CR1: variants seen among roughly 807,000 people sequenced by gnomAD.
The protein encoded by CR1 is complement receptor type 1.
A neutral mutation model predicts 187.3 loss-of-function variants in CR1; 116 were observed. That is an observed-to-expected ratio of 0.62 (90% CI 0.53 to 0.72). The LOEUF (loss-of-function observed/expected upper bound fraction) is 0.72. Among genes scored for constraint, CR1 ranks in the 30% least tolerant of loss-of-function variants. CR1 has a pLI of 0.00. For synonymous variants in CR1, 576 were observed against 747.1 expected, an observed-to-expected ratio of 0.77 and a Z score of 3.73; for missense variants, 1,731 against 2,110.7, an observed-to-expected ratio of 0.82 and a Z score of 3.52.
intron 35 of CR1, among the ~76,000 whole-genome samples, chr1:207,596,363 C>G (rs535598659): frequency 6.6e-6 from 1 of 152,078 alleles, no homozygotes; most frequent in South Asian, 2.1e-4. Context: ...CCTGTAATCC[C>G]AGCACTTTGG....
chr1:207,504,732 C>G (rs1659376404), intron 1 of CR1, among the ~76,000 whole-genome samples: 3 of 152,148 alleles, frequency 2.0e-5, no homozygotes. Flanking sequence ...TGCCTTCAAA[C>G]TGGCAGAGAC....
chr1:207,581,347 C>T (rs577238179), intron 31 of CR1, among the ~76,000 whole-genome samples: 38 of 134,090 alleles, frequency 2.8e-4, no homozygotes, highest in Admixed American at 1.2e-3. Flanking sequence ...TATATGTATA[C>T]GTATACATGT....
intron 4 of CR1, among the ~76,000 whole-genome samples, chr1:207,519,533 CT>C (rs1659909206): frequency 6.6e-6 from 1 of 152,108 alleles, no homozygotes; most frequent in Admixed American, 6.6e-5. Context: ...TAAAATTGTA[CT>C]TTTACCACTC....
chr1:207,591,251 C>G (rs1317555741), intron 35 of CR1, among the ~76,000 whole-genome samples: 2 of 152,182 alleles, frequency 1.3e-5, no homozygotes, highest in Non-Finnish European at 2.9e-5. Context: ...AACAAACAGT[C>G]TCTCAGACCA....
Position 207,596,384 on chromosome 1 carries a change from C to T in CR1, c.5810+7610C>T, listed in dbSNP as rs894454400. The stretch of plus-strand genomic sequence containing the variant: ...ATCCCAGCACTTTGGGAGGCTGAGG[C>T]GGGCAGAACACCTGAGGTCGGGAGT... On this transcript the variant is annotated intron_variant, in intron 35 of 46. Coordinates refer to ENST00000367049, the MANE Select transcript of CR1 (RefSeq NM_000651.6). 4.6e-5 allele frequency among the ~76,000 whole-genome samples: 7 copies of T among 151,990 alleles called. No individual in the cohort carries two copies. In the East Asian group the frequency reaches 5.8e-4, roughly 13 times the overall value.
At chr1:207,515,067 G>A (rs115854345) in intron 4 of CR1, among the ~76,000 whole-genome samples, 2,401 of 134,576 alleles carry the variant, frequency 0.018, 26 homozygotes, top group Middle Eastern at 0.031. Flanking sequence ...GTATATATAC[G>A]TATATACGTA....
intron 23 of CR1, among the ~76,000 whole-genome samples, chr1:207,565,094 G>A (rs1660452367): frequency 6.7e-6 from 1 of 149,810 alleles, no homozygotes; most frequent in Admixed American, 6.6e-5. Context: ...CCTTGTTTAT[G>A]TCCATCTAGT....
At chr1:207,566,695 C>G (rs1304688886) in intron 24 of CR1, among the ~76,000 whole-genome samples, 1 of 149,946 alleles carries the variant, frequency 6.7e-6, no homozygotes, top group Non-Finnish European at 1.5e-5. Context: ...AATAATAAGT[C>G]ATTTTTTTAA....
At chr1:207,544,652 T>C (rs1250653101) in intron 13 of CR1, among the ~76,000 whole-genome samples, 4 of 138,658 alleles carry the variant, frequency 2.9e-5, no homozygotes, top group African/African-American at 5.9e-5. Flanking sequence ...ACACTCTCAT[T>C]ATGGTGACAG....
chr1:207,612,238 A>G (rs1458244434), intron 39 of CR1, among the ~76,000 whole-genome samples, 197 bp downstream of exon 39: 1 of 152,248 alleles, frequency 6.6e-6, no homozygotes, highest in Non-Finnish European at 1.5e-5. Context: ...AATGGCACAT[A>G]CAGCTCAATG....
chr1:207,617,507 ATGTGTGTG>A (rs1167357538), intron 41 of CR1, among the ~76,000 whole-genome samples: 1,636 of 47,034 alleles, frequency 0.035, 146 homozygotes, highest in African/African-American at 0.099. Flanking sequence ...ATATATATAT[ATGTGTGTG>A]TGTGTGTGTG....
chr1:207,639,645 A>T lies in CR1; in HGVS notation c.*236A>T. 2.1e-6 allele frequency: 1 copy of T among 470,160 alleles called. No individual in the cohort carries two copies. 29.1% of individuals were successfully genotyped at this position (470,160 alleles called of 1,614,324 possible). A position where few individuals can be genotyped will look rare whatever the true frequency, so the allele number is the denominator to read the frequency against. On this transcript the variant is annotated 3_prime_UTR_variant, in exon 47 of 47. Coordinates refer to ENST00000367049, the MANE Select transcript of CR1 (RefSeq NM_000651.6). Reference sequence around the variant, plus strand: ...CTGCCTCGTGCTAAACGCACACAGTATCTAGTCAGGGGAAAAGACTGCATT... The same window carrying T: ...CTGCCTCGTGCTAAACGCACACAGTTTCTAGTCAGGGGAAAAGACTGCATT...
intron 42 of CR1, among the ~76,000 whole-genome samples, chr1:207,618,463 A>T (rs1662213821): frequency 6.6e-6 from 1 of 152,182 alleles, no homozygotes; most frequent in Non-Finnish European, 1.5e-5. Flanking sequence ...AGCATTAACA[A>T]AATCACCTTG....
chr1:207,607,125 C>T (rs1661774939), intron 35 of CR1, 126 bp from the exon 36 acceptor site: 1 of 648,148 alleles, frequency 1.5e-6, no homozygotes, highest in Admixed American at 2.6e-5. Context: ...GGGTTTCTTC[C>T]TTCCGAGGTC....
intron 40 of CR1, 132 bp from the exon 41 acceptor site, chr1:207,616,443 A>T: frequency 1.7e-6 from 2 of 1,146,748 alleles, no homozygotes; most frequent in Non-Finnish European, 1.2e-6. Context: ...TTACAGATTT[A>T]AATTCCGTCT....
At chr1:207,566,540 A>C (rs1210006517) in intron 24 of CR1, among the ~76,000 whole-genome samples, 1 of 150,182 alleles carries the variant, frequency 6.7e-6, no homozygotes, top group Non-Finnish European at 1.5e-5. Flanking sequence ...ACAAGAAAAA[A>C]AATAAATTCA....
intron 2 of CR1, among the ~76,000 whole-genome samples, chr1:207,506,331 G>T (rs1329742724): frequency 6.6e-6 from 1 of 152,244 alleles, no homozygotes. Context: ...TTCACTGGGG[G>T]TCTCCCATTT....
chr1:207,623,883 T>C (rs972810644), intron 45 of CR1, among the ~76,000 whole-genome samples: 1 of 147,466 alleles, frequency 6.8e-6, no homozygotes, highest in Non-Finnish European at 1.5e-5. Flanking sequence ...TTTTAATATA[T>C]AAACAAATAT....
chr1:207,574,712 G>A (rs1001369570), intron 27 of CR1, among the ~76,000 whole-genome samples: 2 of 152,140 alleles, frequency 1.3e-5, no homozygotes, highest in Non-Finnish European at 2.9e-5. Context: ...AAGATGAGTA[G>A]ACTGACTATA....
Sources: allele counts gnomAD v4.1 joint callset (sites outside exome capture counted in the v4.1 genomes callset), GRCh38; gene constraint gnomAD v4.1.1; transcripts MANE v1.5; gene names NCBI Gene and HGNC (gene_info 2026-07-23, HGNC 2026-07-21).